Variants in SPEF2 observed in about 807,000 individuals in gnomAD.
SPEF2 encodes sperm flagellar and cilia associated 2.
Under a neutral mutation model 224.6 loss-of-function variants are expected in SPEF2, and 187 were observed. That is an observed-to-expected ratio of 0.83 (90% CI 0.74 to 0.94). The LOEUF (loss-of-function observed/expected upper bound fraction) is 0.94, where lower values mean the gene tolerates loss of function less well. Among genes scored for constraint, SPEF2 ranks in the 40% least tolerant of loss-of-function variants. SPEF2 has a pLI of 0.00. For missense variants in SPEF2, 2,170 were observed against 2,135.6 expected (o/e 1.02, Z -0.32); for synonymous variants, 715 against 707.3 (o/e 1.01, Z -0.17).
chr5:35,793,327 G>A lies in SPEF2; in HGVS notation c.4723G>A (p.Glu1575Lys). Residue 1575 changes from glutamate (E) to lysine (K), a missense_variant, in exon 32 of 37, where the codon GAG becomes AAG. Physicochemically the swap from Glu to Lys is moderately conservative, Grantham distance 56. Coordinates refer to ENST00000356031, the MANE Select transcript of SPEF2 (RefSeq NM_024867.4). ...DKEQLGTITF[E>K]QYMQAGLWFT... ...GGAGCAGTTGGGCACCATCACTTTT[G>A]AGCAGTATATGCAGGTTGTTACCAG... 1 of 1,613,658 alleles carries A rather than the reference G, an allele frequency of 6.2e-7. No individual in the cohort carries two copies.
At position 35,806,796 on chromosome 5, in the gene SPEF2, G is replaced by C; in HGVS notation, c.5100G>C (p.Thr1700=). The C allele has an allele frequency of 1.2e-6, 2 of 1,613,844 alleles. No individual in the cohort carries two copies. Among genetic ancestry groups the C allele is most frequent in the African/African-American group, 2.7e-5 (2 of 75,000 alleles). ...AAGAAAGGAAATTAAAAGACGACAC[G>C]GAGAAAAGGGAACAGAAGGATGAAG... The part of the protein sequence containing the change: ...AREERKLKDD[T]EKREQKDEEI... The change falls in exon 35 of 37, where the codon ACG becomes ACC. Residue 1700 remains threonine (T), a synonymous_variant. Transcript: ENST00000356031.
intron 30 of SPEF2, chr5:35,788,546 G>A (rs1255865556): frequency 1.4e-6 from 1 of 702,562 alleles, no homozygotes; most frequent in Non-Finnish European, 2.6e-6. Flanking sequence ...CTGTCAAATT[G>A]TTGGGGTACA....
intron 36 of SPEF2, chr5:35,807,581 C>G: frequency 6.9e-7 from 1 of 1,458,258 alleles, no homozygotes; most frequent in Non-Finnish European, 9.3e-7. Context: ...AGAGAACTAA[C>G]CAAGACCATG....
intron 8 of SPEF2, among the ~76,000 whole-genome samples, chr5:35,660,425 G>C (rs866333892): frequency 6.6e-6 from 1 of 152,214 alleles, no homozygotes; most frequent in Non-Finnish European, 1.5e-5. Flanking sequence ...CCCCATGAAA[G>C]TGTAATGTAA....
chr5:35,743,535 C>T (rs1748009887), intron 23 of SPEF2, among the ~76,000 whole-genome samples: 1 of 152,112 alleles, frequency 6.6e-6, no homozygotes, highest in South Asian at 2.1e-4. Flanking sequence ...CAACAGTATA[C>T]AGTAGAGAAA....
chr5:35,766,564 C>T (rs1187390604), intron 26 of SPEF2, among the ~76,000 whole-genome samples: 16 of 151,796 alleles, frequency 1.1e-4, no homozygotes, highest in Admixed American at 8.5e-4. Flanking sequence ...TCAGCTTAGC[C>T]AGATGTTTAT....
intron 21 of SPEF2, among the ~76,000 whole-genome samples, chr5:35,737,215 T>G (rs989049037): frequency 2.0e-5 from 3 of 152,200 alleles, no homozygotes; most frequent in African/African-American, 7.2e-5. Context: ...GTCTCTCTTA[T>G]GATTTTTTTT....
chr5:35,628,322 T>C, intron 1 of SPEF2, 138 bp from the exon 2 acceptor site: 2 of 464,184 alleles, frequency 4.3e-6, no homozygotes. Context: ...TATTAAAAGA[T>C]GTTTCTAGAA....
At chr5:35,787,044 A>G (rs546496450) in intron 30 of SPEF2, among the ~76,000 whole-genome samples, 2 of 152,332 alleles carry the variant, frequency 1.3e-5, no homozygotes, top group East Asian at 1.9e-4. Flanking sequence ...TATGTGATCT[A>G]GGCTCTCTGC....
At chr5:35,626,072 C>T (rs1282294190) in intron 1 of SPEF2, among the ~76,000 whole-genome samples, 2 of 152,184 alleles carry the variant, frequency 1.3e-5, no homozygotes, top group Non-Finnish European at 2.9e-5. Context: ...GAAGCTCAAG[C>T]TTAACTTGTG....
At chr5:35,628,871 T>A (rs557489769) in intron 2 of SPEF2, among the ~76,000 whole-genome samples, 1 of 152,092 alleles carries the variant, frequency 6.6e-6, no homozygotes, top group East Asian at 2.0e-4. Flanking sequence ...AGATTACATG[T>A]GTGCACCCCC....
chr5:35,788,444 T>C (rs1417604361), intron 30 of SPEF2: 2 of 702,514 alleles, frequency 2.8e-6, no homozygotes, highest in Non-Finnish European at 5.2e-6. Context: ...AAAAAGTAAA[T>C]TTTTCTCTGT....
At chr5:35,732,775 T>C (rs1299583574) in intron 21 of SPEF2, among the ~76,000 whole-genome samples, 1 of 152,218 alleles carries the variant, frequency 6.6e-6, no homozygotes, top group Non-Finnish European at 1.5e-5. Context: ...TAAACAATAG[T>C]TGCCCCTTAT....
intron 1 of SPEF2, 98 bp downstream of exon 1, chr5:35,618,153 G>T: frequency 7.4e-7 from 1 of 1,355,488 alleles, no homozygotes; most frequent in Admixed American, 2.0e-5. Flanking sequence ...CGGGCAGGGC[G>T]CGAGCTGCAC....
chr5:35,722,247 C>T (rs1400217938), intron 20 of SPEF2, among the ~76,000 whole-genome samples: 1 of 152,040 alleles, frequency 6.6e-6, no homozygotes, highest in Non-Finnish European at 1.5e-5. Context: ...TGGCTGGGAA[C>T]CAGCCATCCA....
At chr5:35,680,718 A>G (rs1342523075) in intron 10 of SPEF2, among the ~76,000 whole-genome samples, 1 of 152,176 alleles carries the variant, frequency 6.6e-6, no homozygotes, top group Non-Finnish European at 1.5e-5. Flanking sequence ...TTTGTGAAGT[A>G]TGAGTAGACA....
chr5:35,659,053 T>C lies in SPEF2; in HGVS notation c.1013T>C (p.Leu338Pro), dbSNP rs777422935. The C allele has an allele frequency of 6.3e-7, 1 of 1,585,146 alleles. No individual in the cohort carries two copies. The highest frequency in any genetic ancestry group is 8.6e-7 in the Non-Finnish European group (1 of 1,162,198). The change falls in exon 8 of 37, where the codon CTG (leucine) becomes CCG (proline). Residue 338 changes from leucine to proline, a missense_variant. Transcript: ENST00000356031. Reference sequence around the variant, plus strand: ...CGGGAGGAACAGCTGATTAACCGGCTGATGCGGCAGTCCCAGCAGGAGCGC... The same window carrying C: ...CGGGAGGAACAGCTGATTAACCGGCCGATGCGGCAGTCCCAGCAGGAGCGC... ...AYREEQLINRLMRQSQQERRI... is the reference protein window; with the variant it reads ...AYREEQLINRPMRQSQQERRI...
intron 16 of SPEF2, among the ~76,000 whole-genome samples, chr5:35,701,498 A>G (rs967906626): frequency 1.3e-5 from 2 of 152,160 alleles, no homozygotes; most frequent in African/African-American, 4.8e-5. Flanking sequence ...TACATCAGGG[A>G]AAAATGATGG....
At chr5:35,624,829 G>A (rs1307932604) in intron 1 of SPEF2, among the ~76,000 whole-genome samples, 2 of 152,132 alleles carry the variant, frequency 1.3e-5, no homozygotes, top group East Asian at 3.9e-4. Flanking sequence ...TAGAGACAGG[G>A]TTTCATCATA....
Sources: allele counts gnomAD v4.1 joint callset (sites outside exome capture counted in the v4.1 genomes callset), GRCh38; gene constraint gnomAD v4.1.1; transcripts MANE v1.5; gene names NCBI Gene and HGNC (gene_info 2026-07-23, HGNC 2026-07-21).